The following SLC45A2 variants were observed in gnomAD, a reference collection of about 807,000 sequenced individuals.
SLC45A2 encodes solute carrier family 45 member 2, also known as membrane-associated transporter protein.
A neutral mutation model predicts 45.5 loss-of-function variants in SLC45A2; 36 were observed. The observed-to-expected ratio is 0.79, with a 90% CI of 0.61 to 1.04. The LOEUF is 1.04. SLC45A2 is among the 50% of genes least tolerant of loss of function. The probability of loss-of-function intolerance (pLI) is 0.00; values close to 1 mark genes in which losing one functional copy is unlikely to be tolerated. For missense variants in SLC45A2, 719 were observed against 671.0 expected (o/e 1.07, Z -0.79); for synonymous variants, 306 against 269.3 (o/e 1.14, Z -1.33).
At chr5:33,963,558 G>A (rs1251646571) in intron 3 of SLC45A2, 133 bp downstream of exon 3, 5 of 978,396 alleles carry the variant, frequency 5.1e-6, no homozygotes. Flanking sequence ...ATAGCTACGG[G>A]GGATTTGGGA....
chr5:33,948,995 A>G (rs1752018225), intron 5 of SLC45A2, among the ~76,000 whole-genome samples: 1 of 152,230 alleles, frequency 6.6e-6, no homozygotes, highest in South Asian at 2.1e-4. Context: ...ATATCCTCAC[A>G]CAATGCCTCT....
intron 5 of SLC45A2, among the ~76,000 whole-genome samples, chr5:33,948,745 C>G (rs1752011808): frequency 6.6e-6 from 1 of 152,168 alleles, no homozygotes; most frequent in South Asian, 2.1e-4. Context: ...AAAATGTAAT[C>G]TAAGGTGTCT....
chr5:33,983,015 G>C (rs1172528339), intron 1 of SLC45A2, among the ~76,000 whole-genome samples: 1 of 152,144 alleles, frequency 6.6e-6, no homozygotes, highest in African/African-American at 2.4e-5. Context: ...TGTATGTCTT[G>C]TTAAAACACA....
In SLC45A2 at chr5:33,947,188, T is replaced by C; in HGVS notation, c.1343A>G (p.Glu448Gly). 6.2e-7 allele frequency: 1 copy of C among 1,614,188 alleles called. No homozygotes were observed. Among genetic ancestry groups the C allele is most frequent in the Non-Finnish European group, 8.5e-7 (1 of 1,180,042 alleles). The change falls in exon 6 of 7, where the codon GAG becomes GGG. Residue 448 changes from glutamate (E) to glycine (G), a missense_variant. Coordinates refer to ENST00000296589, the MANE Select transcript of SLC45A2 (RefSeq NM_016180.5). ...LYTVPFNLITEYHREEEKERQ... is the reference protein window; with the variant it reads ...LYTVPFNLITGYHREEEKERQ... ...CTCCTTTTCTTCCTCGCGGTGGTAC[T>C]CAGTAATGAGGTTAAAGGGCACAGT...
chr5:33,956,668 G>A lies in SLC45A2; in HGVS notation c.889-2164C>T, dbSNP rs1411711069. ...AGGGCAATGTTGTGATAATTTTGAT[G>A]GAATATCTTTAGGCATCAATCCCAG... is the stretch of plus-strand genomic sequence containing the variant. On this transcript the variant is annotated intron_variant, in intron 3 of 6. Coordinates refer to ENST00000296589, the MANE Select transcript of SLC45A2 (RefSeq NM_016180.5). 7.9e-5 allele frequency among the ~76,000 whole-genome samples: 12 copies of A among 152,088 alleles called. No individual in the cohort carries two copies. In the East Asian group the frequency reaches 1.5e-3, roughly 20 times the overall value.
chr5:33,967,485 T>A (rs566238107), intron 2 of SLC45A2, among the ~76,000 whole-genome samples: 88 of 152,320 alleles, frequency 5.8e-4, no homozygotes, highest in African/African-American at 2.0e-3. Context: ...ACACCAATGC[T>A]GCTGGGCCAA....
chr5:33,961,815 T>C (rs1202421212), intron 3 of SLC45A2, among the ~76,000 whole-genome samples: 1 of 152,174 alleles, frequency 6.6e-6, no homozygotes, highest in Non-Finnish European at 1.5e-5. Context: ...CTTTCCTGGC[T>C]GTTCCCAGAT....
At chr5:33,945,129 T>A (rs1751883757) in intron 6 of SLC45A2, among the ~76,000 whole-genome samples, 1 of 152,224 alleles carries the variant, frequency 6.6e-6, no homozygotes, top group African/African-American at 2.4e-5. Flanking sequence ...ATTGGTGATG[T>A]GGAACTGAAC....
At chr5:33,965,774 C>T (rs973752658) in intron 2 of SLC45A2, among the ~76,000 whole-genome samples, 17 of 152,236 alleles carry the variant, frequency 1.1e-4, no homozygotes, top group African/African-American at 3.1e-4. Context: ...AGAAGTCATG[C>T]GTCAAGCCAA....
intron 3 of SLC45A2, 72 bp downstream of exon 3, chr5:33,963,619 A>G (rs1752511456): frequency 7.0e-7 from 1 of 1,436,018 alleles, no homozygotes; most frequent in Non-Finnish European, 9.3e-7. Context: ...AAAACAAACA[A>G]TTAAAAAAAC....
chr5:33,947,916 A>G (rs540156041), intron 5 of SLC45A2, among the ~76,000 whole-genome samples: 1 of 152,330 alleles, frequency 6.6e-6, no homozygotes, highest in African/African-American at 2.4e-5. Flanking sequence ...AAGATGTACA[A>G]TTATCTGAAG....
At chr5:33,971,942 G>T in intron 2 of SLC45A2, 1 of 392,860 alleles carries the variant, frequency 2.5e-6, no homozygotes, top group South Asian at 1.8e-5. Context: ...GCTAATTTTT[G>T]TATCTTCTGT....
intron 2 of SLC45A2, among the ~76,000 whole-genome samples, chr5:33,977,455 G>A (rs866756471): frequency 1.3e-5 from 2 of 152,142 alleles, no homozygotes; most frequent in Non-Finnish European, 2.9e-5. Flanking sequence ...TTATTTTGTG[G>A]ATCTAGTCCC....
At chr5:33,947,082 T>C (rs1218901642) in intron 6 of SLC45A2, 81 bp downstream of exon 6, 4 of 1,613,726 alleles carry the variant, frequency 2.5e-6, no homozygotes, top group Non-Finnish European at 3.4e-6. Context: ...CCAGCTCTGC[T>C]CTACACATTG....
chr5:33,971,915 C>A (rs186762072), intron 2 of SLC45A2: 8 of 373,360 alleles, frequency 2.1e-5, no homozygotes, highest in Admixed American at 6.3e-5. Flanking sequence ...GTGAGAGCTA[C>A]CACACCCAGT....
intron 5 of SLC45A2, among the ~76,000 whole-genome samples, chr5:33,949,275 T>C (rs1312781607): frequency 6.6e-6 from 1 of 152,120 alleles, no homozygotes; most frequent in East Asian, 1.9e-4. Context: ...TAGAGGGTAA[T>C]ATAGTGAGCT....
At chr5:33,965,108 C>G (rs1752568636) in intron 2 of SLC45A2, among the ~76,000 whole-genome samples, 1 of 152,188 alleles carries the variant, frequency 6.6e-6, no homozygotes, top group African/African-American at 2.4e-5. Flanking sequence ...CACAACTTAT[C>G]TAGCTGAACA....
In SLC45A2 at chr5:33,971,984, C is replaced by T. The variant is rs968668858; in HGVS notation, c.563-7968G>A. On this transcript the variant is annotated intron_variant, in intron 2 of 6. Transcript: ENST00000296589. ...GGGGTTTCACCATGGTGCCCAGGTC[C>T]ACCTGCCTTGGCCTCCCACAGTGTT... The T allele has an allele frequency of 6.6e-6, 3 of 452,272 alleles. No homozygotes were observed. The East Asian group carries it at 2.1e-4, about 31-fold the overall frequency. 28.0% of individuals were successfully genotyped at this position (452,272 alleles called of 1,614,324 possible).
Position 33,971,874 on chromosome 5 carries a change from A to G in SLC45A2, c.563-7858T>C, listed in dbSNP as rs145333052. On this transcript the variant is annotated intron_variant, in intron 2 of 6. Transcript: ENST00000296589. Reference sequence around the variant, plus strand: ...ACTCCCGACCTCAGGTAATCCACCCACCTTGGCCTCCCAAAGTACTGGGAT... The same window carrying G: ...ACTCCCGACCTCAGGTAATCCACCCGCCTTGGCCTCCCAAAGTACTGGGAT... Among the ~76,000 whole-genome samples, 1,326 of 152,192 alleles carry G rather than the reference A, an allele frequency of 8.7e-3. 10 individuals are homozygous for G. Among genetic ancestry groups the G allele is most frequent in the Middle Eastern group, 0.058 (17 of 294 alleles).
Sources: allele counts gnomAD v4.1 joint callset (sites outside exome capture counted in the v4.1 genomes callset), GRCh38; gene constraint gnomAD v4.1.1; transcripts MANE v1.5; gene names NCBI Gene and HGNC (gene_info 2026-07-23, HGNC 2026-07-21).